The following CC2D2B variants were observed in gnomAD, a reference collection of about 807,000 sequenced individuals.
CC2D2B encodes coiled-coil and C2 domain containing 2B, also known as protein CC2D2B.
In CC2D2B, 128 loss-of-function variants were observed where a neutral mutation model predicts 161.2. The observed-to-expected ratio is 0.79, with a 90% CI of 0.69 to 0.92. CC2D2B has a LOEUF of 0.92. Among genes scored for constraint, CC2D2B ranks in the 40% least tolerant of loss-of-function variants. The pLI is 0.00. For missense variants in CC2D2B, 1,173 were observed against 1,375.1 expected (o/e 0.85, Z 2.32); for synonymous variants, 391 against 449.8 (o/e 0.87, Z 1.65).
rs1466454866 is a variant in CC2D2B at position 95,993,938 on chromosome 10, GTGTGTATGTATGTGTATATATATATA to G, written c.2642+1243_2642+1268del. 2.9e-4 allele frequency among the ~76,000 whole-genome samples: 11 copies of G among 38,328 alleles called. No individual in the cohort carries two copies. The South Asian group carries it at 3.3e-3, about 12-fold the overall frequency. The allele number at this position is 38,328 out of a possible 152,430, so 25.1% of individuals were successfully genotyped here. On this transcript the variant is annotated intron_variant, in intron 22 of 34. Transcript: ENST00000646931. ...TGTGTGTGTGTGTGTGTGTGTGTGT[GTGTGTATGTATGTGTATATATATATA>G]TATATATATATATATATATATATAT... is the stretch of plus-strand genomic sequence containing the variant.
At chr10:95,929,998 T>C (rs2098546964) in intron 6 of CC2D2B, among the ~76,000 whole-genome samples, 2 of 152,246 alleles carry the variant, frequency 1.3e-5, no homozygotes, top group Non-Finnish European at 2.9e-5. Context: ...TATGGCCATT[T>C]TCACGATATT....
intron 3 of CC2D2B, among the ~76,000 whole-genome samples, chr10:95,923,629 T>C (rs561197529): frequency 1.3e-5 from 2 of 152,326 alleles, no homozygotes; most frequent in East Asian, 1.9e-4. Context: ...TGTTTTGTTT[T>C]GTTTTTGGCC....
intron 9 of CC2D2B, among the ~76,000 whole-genome samples, chr10:95,945,806 C>T (rs1195276052): frequency 3.3e-5 from 3 of 91,480 alleles, no homozygotes; most frequent in Admixed American, 3.1e-4. Flanking sequence ...TTTTTTGAGA[C>T]GGAGTTTCAC....
rs1403855485 is a variant in CC2D2B at position 96,025,187 on chromosome 10, A to T, written c.3947+276A>T. ...TATATATATATATATATATATATAA[A>T]AAAAAATATATATATATATATATAT... On this transcript the variant is annotated intron_variant, in intron 33 of 34. Coordinates refer to ENST00000646931, the MANE Select transcript of CC2D2B (RefSeq NM_001349008.3). 4.7e-3 allele frequency among the ~76,000 whole-genome samples: 241 copies of T among 50,802 alleles called. 3 individuals are homozygous for T. The highest frequency in any genetic ancestry group is 6.9e-3 in the Non-Finnish European group (167 of 24,048). The allele number at this position is 50,802 out of a possible 152,430, so 33.3% of individuals were successfully genotyped here.
rs192312514 is a variant in CC2D2B, at chr10:95,997,541, C to T, written c.2849+1289C>T. ...TAGCCGAGACTACAGGAGTGTACCACCACACCCAGCTAATTTATTTTTATT... is the reference window on the plus strand; with the variant it reads ...TAGCCGAGACTACAGGAGTGTACCATCACACCCAGCTAATTTATTTTTATT... On this transcript the variant is annotated intron_variant, in intron 24 of 34. Transcript: ENST00000646931. Among the ~76,000 whole-genome samples the T allele has an allele frequency of 1.3e-3, 201 of 152,270 alleles. 2 individuals carry two copies. Among genetic ancestry groups the T allele is most frequent in the Non-Finnish European group, 2.6e-3 (177 of 68,008 alleles).
intron 17 of CC2D2B, among the ~76,000 whole-genome samples, chr10:95,977,636 G>A (rs2077366727): frequency 6.6e-6 from 1 of 152,174 alleles, no homozygotes; most frequent in Non-Finnish European, 1.5e-5. Flanking sequence ...TCTATGGATA[G>A]CAAAATTCTT....
At chr10:95,964,402 A>T (rs79334498) in intron 12 of CC2D2B, among the ~76,000 whole-genome samples, 3,974 of 152,254 alleles carry the variant, frequency 0.026, 75 homozygotes, top group Middle Eastern at 0.051. Flanking sequence ...TCTGGACATC[A>T]TGAGTTTTAA....
chr10:95,981,265 G>A (rs2077513716), intron 17 of CC2D2B, among the ~76,000 whole-genome samples: 1 of 152,038 alleles, frequency 6.6e-6, no homozygotes, highest in Non-Finnish European at 1.5e-5. Context: ...GGTAGCACGT[G>A]CCTGTAGTCT....
chr10:95,934,752 G>T (rs1180098270), intron 6 of CC2D2B, among the ~76,000 whole-genome samples: 1 of 152,182 alleles, frequency 6.6e-6, no homozygotes, highest in Non-Finnish European at 1.5e-5. Context: ...AATAAGCCAG[G>T]TACCTCAGTT....
In CC2D2B at chr10:95,922,066, T is replaced by G; in HGVS notation, c.87T>G (p.His29Gln). ...CAGCTGAAGAAATTATAGACAAGCA[T>G]CTCCAAAAAGGTTCTCAATAAGTAT... Reference protein sequence around the residue: ...NITAEEIIDKHLQKDLDAEEN... With the variant: ...NITAEEIIDKQLQKDLDAEEN... Residue 29 changes from histidine (H) to glutamine (Q), a missense_variant, in exon 3 of 35, where the codon CAT becomes CAG. This residue lies in a region of CC2D2B where 298 missense variants were observed against 261.2 expected (regional missense o/e 1.14). Transcript: ENST00000646931. The G allele has an allele frequency of 6.5e-7, 1 of 1,527,904 alleles. No individual in the cohort carries two copies. The highest frequency in any genetic ancestry group is 8.9e-7 in the Non-Finnish European group (1 of 1,127,840). 94.6% of individuals were successfully genotyped at this position (1,527,904 alleles called of 1,614,324 possible).
intron 19 of CC2D2B, among the ~76,000 whole-genome samples, chr10:95,987,287 G>C (rs549346577): frequency 6.6e-6 from 1 of 151,908 alleles, no homozygotes; most frequent in African/African-American, 2.4e-5. Flanking sequence ...TCGTGCCACT[G>C]TACTCCAGCC....
intron 11 of CC2D2B, among the ~76,000 whole-genome samples, chr10:95,960,534 A>AC (rs2076725995): frequency 6.6e-6 from 1 of 151,738 alleles, no homozygotes; most frequent in Non-Finnish European, 1.5e-5. Flanking sequence ...TTTTTTTGAG[A>AC]CAAGGTCTCC....
chr10:95,996,229 T>A lies in CC2D2B; in HGVS notation c.2826T>A (p.Asn942Lys). 3.4e-6 allele frequency: 5 copies of A among 1,490,892 alleles called. No homozygotes were observed. The highest frequency in any genetic ancestry group is 4.5e-6 in the Non-Finnish European group (5 of 1,115,838). 92.4% of individuals were successfully genotyped at this position (1,490,892 alleles called of 1,614,324 possible). The change falls in exon 24 of 35, where the codon AAT becomes AAA. Residue 942 changes from asparagine to lysine, a missense_variant. Asn to Lys is a moderately conservative substitution (Grantham distance 94, BLOSUM62 0). Around this residue, in one of 3 missense-constraint regions of CC2D2B, gnomAD observed 598 missense variants for 693.2 expected, o/e 0.86. Transcript: ENST00000646931. ...NTASGSHPCW[N>K]EEIKVDFVSP... is the part of the protein sequence containing the mutation. The stretch of plus-strand genomic sequence containing the variant: ...CAAGTGGATCTCATCCATGCTGGAA[T>A]GAAGAAATTAAAGTAGATTTTGTGT...
chr10:95,979,172 G>GTT (rs797010779), intron 17 of CC2D2B, among the ~76,000 whole-genome samples: 11 of 132,520 alleles, frequency 8.3e-5, no homozygotes, highest in African/African-American at 1.1e-4. Context: ...GGTTTTTGGT[G>GTT]TTTTTTTTTT....
intron 11 of CC2D2B, among the ~76,000 whole-genome samples, chr10:95,957,762 T>C (rs1414915902): frequency 1.3e-5 from 2 of 151,124 alleles, no homozygotes; most frequent in Non-Finnish European, 2.9e-5. Context: ...GGGTTCACCA[T>C]ATTAGCCAGG....
rs1016235287 is a variant in CC2D2B, at chr10:95,968,864, T to C, written c.1607T>C (p.Ile536Thr). ...FKVMFQQIFNIQLMYWPEVIC... is the reference protein window; with the variant it reads ...FKVMFQQIFNTQLMYWPEVIC... ...GTCATGTTTCAGCAAATTTTCAATATTCAGTTAATGTATTGGCCTGAAGTG... is the reference window on the plus strand; with the variant it reads ...GTCATGTTTCAGCAAATTTTCAATACTCAGTTAATGTATTGGCCTGAAGTG... The change falls in exon 15 of 35, where the codon ATT (isoleucine) becomes ACT (threonine). Residue 536 changes from isoleucine to threonine, a missense_variant. By Grantham distance (89) the Ile-to-Thr change is moderately conservative. Around this residue, in one of 3 missense-constraint regions of CC2D2B, gnomAD observed 277 missense variants for 420.6 expected, o/e 0.66. Coordinates refer to ENST00000646931, the MANE Select transcript of CC2D2B (RefSeq NM_001349008.3). 1.6e-6 allele frequency: 2 copies of C among 1,229,748 alleles called. No individual in the cohort carries two copies. The highest frequency in any genetic ancestry group is 3.1e-5 in the African/African-American group (2 of 64,374). 76.2% of individuals were successfully genotyped at this position (1,229,748 alleles called of 1,614,324 possible).
rs569763076 is a variant in CC2D2B at position 96,008,320 on chromosome 10, A to G, written c.2947-1505A>G. Among the ~76,000 whole-genome samples the G allele has an allele frequency of 5.9e-5, 9 of 151,866 alleles. 1 individual carries two copies. In the East Asian group the frequency reaches 1.7e-3, roughly 29 times the overall value. ...CATTTCATTGCTTGTTTATATATTC[A>G]CCTGTTGATGGACATTTAGGTTGTT... On this transcript the variant is annotated intron_variant, in intron 25 of 34. Transcript: ENST00000646931.
chr10:96,023,052 A>G (rs2079539997), intron 32 of CC2D2B, among the ~76,000 whole-genome samples: 1 of 152,176 alleles, frequency 6.6e-6, no homozygotes, highest in Non-Finnish European at 1.5e-5. Context: ...AGGCTGGCCA[A>G]TGCTGGGGTG....
At chr10:96,021,632 C>T (rs936043672) in intron 32 of CC2D2B, 3 of 152,138 alleles carry the variant, frequency 2.0e-5, no homozygotes, top group Admixed American at 6.5e-5. Context: ...ATGACACATA[C>T]AGTACAAAAC....
Sources: gnomAD v4.1 joint callset for allele counts (sites outside exome capture counted in the v4.1 genomes callset) on GRCh38, gnomAD v4.1.1 for gene constraint, gnomAD v4.1.1 regional missense constraint, MANE v1.5 for transcripts, NCBI Gene and HGNC (gene_info 2026-07-23, HGNC 2026-07-21) for gene names.